The following CCNB3 variants were observed in gnomAD, a reference collection of about 807,000 sequenced individuals.
CCNB3 encodes cyclin B3, also known as G2/mitotic-specific cyclin-B3.
In CCNB3, 12 loss-of-function variants were observed where a neutral mutation model predicts 68.0. The ratio of observed to expected loss-of-function variants is 0.18; its 90% CI spans 0.11 to 0.29. The LOEUF is 0.29. Among genes scored for constraint, CCNB3 ranks in the 10% least tolerant of loss-of-function variants. The pLI is 1.00. For missense variants in CCNB3, 904 were observed against 993.1 expected (o/e 0.91, Z 1.21); for synonymous variants, 354 against 388.9 (o/e 0.91, Z 1.06).
intron 1 of CCNB3, among the ~76,000 whole-genome samples, chrX:50,219,171 C>T (rs1241151865): frequency 9.0e-6 from 1 of 111,248 alleles, no homozygotes; most frequent in Non-Finnish European, 1.9e-5. Context: ...TGGATATTAG[C>T]CCTTTGTCAG....
rs143852043 is a variant in CCNB3 at position 50,330,831 on chromosome X, A to G, written c.3517-11371A>G. Reference sequence around the variant, plus strand: ...ATCTATGTGTAGACAGCAATTAGTAAGGTTAAATTTCCTATAGACCTCTCC... The same window carrying G: ...ATCTATGTGTAGACAGCAATTAGTAGGGTTAAATTTCCTATAGACCTCTCC... On this transcript the variant is annotated intron_variant, in intron 8 of 12. Transcript: ENST00000376042. Among the ~76,000 whole-genome samples, 250 of 112,007 alleles carry G rather than the reference A, an allele frequency of 2.2e-3. 1 individual carries two copies. The highest frequency in any genetic ancestry group is 7.7e-3 in the African/African-American group (238 of 30,859).
intron 1 of CCNB3, among the ~76,000 whole-genome samples, chrX:50,225,616 A>G (rs1005628636): frequency 9.1e-6 from 1 of 110,478 alleles, no homozygotes; most frequent in Admixed American, 9.9e-5. Flanking sequence ...GGCAGCGGAG[A>G]TGGAGATACA....
chrX:50,332,879 C>T (rs920065362), intron 8 of CCNB3, among the ~76,000 whole-genome samples: 4 of 111,672 alleles, frequency 3.6e-5, no homozygotes, highest in African/African-American at 9.8e-5. Flanking sequence ...CTGTAGCTGT[C>T]GCTGTAATTC....
At chrX:50,227,787 A>G (rs1409096281) in intron 1 of CCNB3, among the ~76,000 whole-genome samples, 2 of 79,017 alleles carry the variant, frequency 2.5e-5, no homozygotes, top group Non-Finnish European at 4.6e-5. Context: ...GAATATATAT[A>G]AATATATATA....
chrX:50,347,013 G>C (rs1923438485), intron 10 of CCNB3, among the ~76,000 whole-genome samples: 1 of 111,097 alleles, frequency 9.0e-6, no homozygotes, highest in African/African-American at 3.3e-5. Context: ...GATTTCCACA[G>C]TGTGCCTATA....
At chrX:50,280,108 G>T (rs1265117566) in intron 1 of CCNB3, among the ~76,000 whole-genome samples, 4 of 85,824 alleles carry the variant, frequency 4.7e-5, no homozygotes, top group South Asian at 5.0e-4. Flanking sequence ...TATATATATA[G>T]AATATATAAA....
chrX:50,333,658 C>T (rs1208445783), intron 8 of CCNB3, among the ~76,000 whole-genome samples: 1 of 111,342 alleles, frequency 9.0e-6, no homozygotes, highest in Admixed American at 9.5e-5. Context: ...GATCCATCCT[C>T]CTTTTATTAC....
At chrX:50,299,606 T>C (rs1936574962) in intron 5 of CCNB3, among the ~76,000 whole-genome samples, 1 of 111,365 alleles carries the variant, frequency 9.0e-6, no homozygotes, top group Non-Finnish European at 1.9e-5. Context: ...GAATATATAT[T>C]CTGTTGATTT....
rs782560204 is a variant in CCNB3, at chrX:50,351,349, G to A, written c.4069G>A (p.Val1357Met). 2 of 1,209,695 alleles carry A rather than the reference G, an allele frequency of 1.7e-6. No individual in the cohort carries two copies. The highest frequency in any genetic ancestry group is 3.5e-5 in the African/African-American group (2 of 57,207). The change falls in exon 12 of 13, where the codon GTG becomes ATG. Residue 1357 changes from valine to methionine, a missense_variant. Transcript: ENST00000376042. ...CAGTTCTTACGATAGTCTCAAGGCT[G>A]TGTATTACAAGTATTCTCACCCGTA... is the stretch of plus-strand genomic sequence containing the variant. Reference protein sequence around the residue: ...TFSSYDSLKAVYYKYSHPVFF... With the variant: ...TFSSYDSLKAMYYKYSHPVFF...
chrX:50,226,753 A>C (rs1161619493), intron 1 of CCNB3, among the ~76,000 whole-genome samples: 2 of 80,987 alleles, frequency 2.5e-5, no homozygotes, highest in African/African-American at 9.7e-5. Flanking sequence ...TAGAATATAC[A>C]TATGAATATG....
chrX:50,319,463 C>G (rs781857535), intron 8 of CCNB3, among the ~76,000 whole-genome samples: 100 of 111,398 alleles, frequency 9.0e-4, no homozygotes, highest in African/African-American at 3.2e-3. Flanking sequence ...TGTGTGTTGA[C>G]CTTGTATTCT....
chrX:50,226,213 T>G (rs1319175374), intron 1 of CCNB3, among the ~76,000 whole-genome samples: 1 of 63,763 alleles, frequency 1.6e-5, no homozygotes, highest in African/African-American at 8.3e-5. Context: ...TATATATATT[T>G]ATATATATAG....
At position 50,310,818 on chromosome X, in the gene CCNB3, G is replaced by A; in HGVS notation, c.2649G>A (p.Lys883=). ...AGCGACACTCAGCTTTGTGGGAGAA[G>A]CCCAGCACTGAGAAGGAGACCATCT... The part of the protein sequence containing the change: ...LFKRHSALWE[K]PSTEKETIFK... The change falls in exon 6 of 13, where the codon AAG becomes AAA. Residue 883 remains lysine, a synonymous_variant. Transcript: ENST00000376042. 1 of 1,211,807 alleles carries A rather than the reference G, an allele frequency of 8.3e-7. No individual in the cohort carries two copies. Among genetic ancestry groups the A allele is most frequent in the Non-Finnish European group, 1.1e-6 (1 of 895,543 alleles).
chrX:50,215,588 G>A (rs1409722196), intron 1 of CCNB3, among the ~76,000 whole-genome samples: 4 of 110,474 alleles, frequency 3.6e-5, no homozygotes, highest in Non-Finnish European at 7.6e-5. Context: ...CAATTATTGA[G>A]AGAGGGATGT....
chrX:50,227,141 A>G (rs1270245633), intron 1 of CCNB3, among the ~76,000 whole-genome samples: 3 of 78,555 alleles, frequency 3.8e-5, no homozygotes, highest in African/African-American at 1.8e-4. Context: ...AATATATAGA[A>G]TATATATACA....
chrX:50,320,237 G>A (rs782814073), intron 8 of CCNB3, among the ~76,000 whole-genome samples: 12 of 111,539 alleles, frequency 1.1e-4, no homozygotes, highest in Middle Eastern at 4.6e-3. Context: ...ATTTGCAAGC[G>A]AAAACATTGG....
chrX:50,323,467 AATG>A (rs1557216854), intron 8 of CCNB3, among the ~76,000 whole-genome samples: 1 of 109,920 alleles, frequency 9.1e-6, no homozygotes, highest in East Asian at 2.9e-4. Context: ...ACCTAATGTA[AATG>A]ATGAGTTAAT....
At chrX:50,324,529 T>C (rs1270972404) in intron 8 of CCNB3, among the ~76,000 whole-genome samples, 1 of 112,394 alleles carries the variant, frequency 8.9e-6, no homozygotes, top group Non-Finnish European at 1.9e-5. Context: ...TCAATTTTCC[T>C]CACAAGCAGT....
intron 8 of CCNB3, among the ~76,000 whole-genome samples, chrX:50,326,081 A>G (rs1279447503): frequency 3.6e-5 from 4 of 111,745 alleles, no homozygotes; most frequent in African/African-American, 1.3e-4. Flanking sequence ...TCATCTTTCC[A>G]TATAAGTATA....
Sources: allele counts gnomAD v4.1 joint callset (sites outside exome capture counted in the v4.1 genomes callset), GRCh38; gene constraint gnomAD v4.1.1; transcripts MANE v1.5; gene names NCBI Gene and HGNC (gene_info 2026-07-23, HGNC 2026-07-21).